PIBF1: variants seen among roughly 807,000 people sequenced by gnomAD.
PIBF1 encodes progesterone immunomodulatory binding factor 1.
Under a neutral mutation model 112.5 loss-of-function variants are expected in PIBF1, and 90 were observed. The observed-to-expected ratio is 0.80, with a 90% CI of 0.67 to 0.95. The LOEUF (loss-of-function observed/expected upper bound fraction) is 0.95, where lower values mean the gene tolerates loss of function less well. Among genes scored for constraint, PIBF1 ranks in the 40% least tolerant of loss-of-function variants. The pLI, the probability that PIBF1 is intolerant of heterozygous loss-of-function variation, is 0.00. For missense variants in PIBF1, 915 were observed against 852.3 expected, an observed-to-expected ratio of 1.07 and a Z score of -0.92; for synonymous variants, 301 against 288.6, an observed-to-expected ratio of 1.04 and a Z score of -0.44.
At chr13:72,967,705 A>G (rs530434578) in intron 15 of PIBF1, among the ~76,000 whole-genome samples, 19 of 152,288 alleles carry the variant, frequency 1.2e-4, no homozygotes, top group Admixed American at 1.2e-3. Context: ...AAGCGGGGTG[A>G]TAGATATATC....
chr13:72,880,914 C>T (rs79489760), intron 10 of PIBF1, among the ~76,000 whole-genome samples: 4,076 of 152,204 alleles, frequency 0.027, 73 homozygotes, highest in Non-Finnish European at 0.04. Flanking sequence ...AAGTTGTTAA[C>T]TTCTCTGAGT....
At position 72,861,184 on chromosome 13, in the gene PIBF1, G is replaced by A. The variant is rs2038681842; in HGVS notation, c.1322+7029G>A. The stretch of plus-strand genomic sequence containing the variant: ...ACAGTGGCTCACACTTGTAATCCAG[G>A]CACTTTGGGAGGCCAAGGTGAGAGG... On this transcript the variant is annotated intron_variant, in intron 10 of 17. Transcript: ENST00000326291. Among the ~76,000 whole-genome samples, 3 of 151,996 alleles carry A rather than the reference G, an allele frequency of 2.0e-5. No individual in the cohort carries two copies. The South Asian group carries it at 6.2e-4, about 32-fold the overall frequency.
intron 17 of PIBF1, among the ~76,000 whole-genome samples, chr13:73,000,139 G>A (rs1215402742): frequency 3.9e-5 from 6 of 152,230 alleles, no homozygotes; most frequent in Admixed American, 3.9e-4. Flanking sequence ...GGATGGCTCA[G>A]TTGACTAGCC....
chr13:72,825,739 A>G (rs2036777403), intron 6 of PIBF1, among the ~76,000 whole-genome samples: 1 of 152,188 alleles, frequency 6.6e-6, no homozygotes, highest in Non-Finnish European at 1.5e-5. Flanking sequence ...CAAAACAAAT[A>G]CAACAGTGTT....
chr13:72,916,251 G>A (rs999019966), intron 12 of PIBF1, among the ~76,000 whole-genome samples: 4 of 151,920 alleles, frequency 2.6e-5, no homozygotes, highest in Non-Finnish European at 5.9e-5. Flanking sequence ...AATTAGCCGG[G>A]CTTGGTGGTG....
intron 14 of PIBF1, among the ~76,000 whole-genome samples, chr13:72,945,887 G>T (rs2042137028): frequency 6.6e-6 from 1 of 152,078 alleles, no homozygotes; most frequent in Non-Finnish European, 1.5e-5. Flanking sequence ...AGAATAGCTA[G>T]TAATTTTGAG....
chr13:72,998,966 A>G lies in PIBF1; in HGVS notation c.2194A>G (p.Asn732Asp). The G allele has an allele frequency of 6.2e-7, 1 of 1,607,686 alleles. No individual in the cohort carries two copies. Among genetic ancestry groups the G allele is most frequent in the Non-Finnish European group, 8.5e-7 (1 of 1,176,078 alleles). Reference sequence around the variant, plus strand: ...GAATGTGCCTAAAGAGCATGAAGACAATATATTTACACCTAAACCAACACT... The same window carrying G: ...GAATGTGCCTAAAGAGCATGAAGACGATATATTTACACCTAAACCAACACT... Reference protein sequence around the residue: ...TLNVPKEHEDNIFTPKPTLFT... With the variant: ...TLNVPKEHEDDIFTPKPTLFT... The change falls in exon 17 of 18, where the codon AAT becomes GAT. Residue 732 changes from asparagine (N) to aspartate (D), a missense_variant. Transcript: ENST00000326291.
At position 72,996,006 on chromosome 13, in the gene PIBF1, C is replaced by T. The variant is rs150502073; in HGVS notation, c.2050-2816C>T. 6.6e-3 allele frequency among the ~76,000 whole-genome samples: 847 copies of T among 129,078 alleles called. 39 individuals carry two copies. Among genetic ancestry groups the T allele is most frequent in the East Asian group, 8.8e-3 (38 of 4,330 alleles). The allele number at this position is 129,078 out of a possible 152,430, so 84.7% of individuals were successfully genotyped here. ...AACTTAAGAAAATATAGGAAAAAAA[C>T]ATGGAGAAGACCACAGAAGAAAAGA... On this transcript the variant is annotated intron_variant, in intron 16 of 17. Coordinates refer to ENST00000326291, the MANE Select transcript of PIBF1 (RefSeq NM_006346.4).
intron 11 of PIBF1, among the ~76,000 whole-genome samples, chr13:72,898,045 T>C (rs1188383873): frequency 6.6e-6 from 1 of 152,144 alleles, no homozygotes; most frequent in South Asian, 2.1e-4. Context: ...TTCTCCAAGA[T>C]AGACCATCTG....
chr13:72,784,955 C>G (rs1480452924), intron 2 of PIBF1, among the ~76,000 whole-genome samples: 2 of 152,034 alleles, frequency 1.3e-5, no homozygotes, highest in Admixed American at 6.6e-5. Flanking sequence ...TCACTGCAAC[C>G]TCCACCTCTT....
At chr13:72,851,986 A>G (rs1397130112) in intron 9 of PIBF1, among the ~76,000 whole-genome samples, 2 of 152,146 alleles carry the variant, frequency 1.3e-5, no homozygotes, top group African/African-American at 4.8e-5. Flanking sequence ...GGAGCTACCC[A>G]TTCCAGATCT....
intron 13 of PIBF1, among the ~76,000 whole-genome samples, chr13:72,927,465 C>G (rs1456522716): frequency 6.6e-6 from 1 of 152,076 alleles, no homozygotes; most frequent in East Asian, 1.9e-4. Flanking sequence ...GATCGCGTCA[C>G]TGCACTCCAG....
chr13:72,907,559 A>G (rs2040743155), intron 11 of PIBF1, among the ~76,000 whole-genome samples: 1 of 152,064 alleles, frequency 6.6e-6, no homozygotes, highest in African/African-American at 2.4e-5. Flanking sequence ...ATCTCATTTA[A>G]TTTCTTTCAA....
chr13:72,901,282 ATGGCAAGTAAACATG>A (rs1187149192), intron 11 of PIBF1, among the ~76,000 whole-genome samples: 1 of 152,226 alleles, frequency 6.6e-6, no homozygotes, highest in Non-Finnish European at 1.5e-5. Flanking sequence ...AGATATACAA[ATGGCAAGTAAACATG>A]AAAAAATGCT....
chr13:72,904,906 A>AG (rs1216367246), intron 11 of PIBF1, among the ~76,000 whole-genome samples: 2 of 151,970 alleles, frequency 1.3e-5, no homozygotes, highest in Non-Finnish European at 2.9e-5. Flanking sequence ...TACACCATAA[A>AG]GGGGGGTTGT....
intron 14 of PIBF1, among the ~76,000 whole-genome samples, chr13:72,934,330 G>A (rs1017460009): frequency 1.3e-5 from 2 of 151,690 alleles, no homozygotes; most frequent in East Asian, 1.9e-4. Context: ...ACAGAGTCTC[G>A]CTCTCTCGCC....
chr13:72,917,113 C>G lies in PIBF1; in HGVS notation c.1677C>G (p.Ser559=), dbSNP rs752427650. Residue 559 remains serine (S), a synonymous_variant, in exon 13 of 18, where the codon TCC becomes TCG. Transcript: ENST00000326291. The stretch of plus-strand genomic sequence containing the variant: ...ATGAGGCTGAAAGGGTTCTTTTTTC[C>G]TACGGCTATGGTGCTAATGTTCCCA... The part of the protein sequence containing the change: ...NEDEAERVLF[S]YGYGANVPTT... 2 of 1,596,748 alleles carry G rather than the reference C, an allele frequency of 1.3e-6. No homozygotes were observed.
chr13:72,953,743 T>TA (rs2042366467), intron 14 of PIBF1, among the ~76,000 whole-genome samples: 10 of 152,154 alleles, frequency 6.6e-5, no homozygotes, highest in Admixed American at 3.9e-4. Context: ...GCTGTGTTAT[T>TA]CTGCCTTCAG....
intron 17 of PIBF1, among the ~76,000 whole-genome samples, chr13:73,013,300 C>CAAAAA (rs869055620): frequency 3.4e-4 from 5 of 14,646 alleles, no homozygotes; most frequent in African/African-American, 1.0e-3. Flanking sequence ...GACTCTGTCT[C>CAAAAA]AAAAAAAAAA....
Sources: allele counts gnomAD v4.1 joint callset (sites outside exome capture counted in the v4.1 genomes callset), GRCh38; gene constraint gnomAD v4.1.1; transcripts MANE v1.5; gene names NCBI Gene and HGNC (gene_info 2026-07-23, HGNC 2026-07-21).